The following PDGFC variants were observed in gnomAD, a reference collection of about 807,000 sequenced individuals.
The protein encoded by PDGFC is platelet derived growth factor C.
In PDGFC, 12 loss-of-function variants were observed where a neutral mutation model predicts 35.5. The observed-to-expected ratio is 0.34, with a 90% CI of 0.22 to 0.55. PDGFC has a LOEUF of 0.55. Among genes scored for constraint, PDGFC ranks in the 20% least tolerant of loss-of-function variants. The probability of loss-of-function intolerance (pLI) is 0.91; values close to 1 mark genes in which losing one functional copy is unlikely to be tolerated. For missense variants in PDGFC, 322 were observed against 412.4 expected (o/e 0.78, Z 1.90); for synonymous variants, 159 against 148.8 (o/e 1.07, Z -0.50).
intron 3 of PDGFC, among the ~76,000 whole-genome samples, chr4:156,782,695 G>A (rs528118728): frequency 6.6e-6 from 1 of 152,130 alleles, no homozygotes; most frequent in Admixed American, 6.5e-5. Context: ...CAGAATTCTG[G>A]GCAGGTCAAA....
In PDGFC at chr4:156,844,030, A is replaced by C. The variant is rs554904257; in HGVS notation, c.314+6191T>G. Among the ~76,000 whole-genome samples, 3 of 152,302 alleles carry C rather than the reference A, an allele frequency of 2.0e-5. No homozygotes were observed. The East Asian group carries it at 5.8e-4, about 29-fold the overall frequency. On this transcript the variant is annotated intron_variant, in intron 2 of 5. Coordinates refer to ENST00000502773, the MANE Select transcript of PDGFC (RefSeq NM_016205.3). Reference sequence around the variant, plus strand: ...TCCTGATTCTTGCCCAGTCCTAATCAAGTCCCCACACTGAAAAATTCATCT... The same window carrying C: ...TCCTGATTCTTGCCCAGTCCTAATCCAGTCCCCACACTGAAAAATTCATCT...
intron 1 of PDGFC, among the ~76,000 whole-genome samples, chr4:156,963,576 A>C (rs1388311730): frequency 6.6e-6 from 1 of 152,114 alleles, no homozygotes; most frequent in Non-Finnish European, 1.5e-5. Flanking sequence ...AAGAGAGCAA[A>C]TTTAGTGAAG....
chr4:156,777,087 G>A (rs571876926), intron 3 of PDGFC, among the ~76,000 whole-genome samples: 6 of 152,000 alleles, frequency 3.9e-5, no homozygotes, highest in Non-Finnish European at 7.4e-5. Context: ...AGATGAGTGA[G>A]TTTTGGGAAA....
chr4:156,812,269 TA>T (rs1439818336), intron 2 of PDGFC, among the ~76,000 whole-genome samples: 1 of 152,076 alleles, frequency 6.6e-6, no homozygotes, highest in Non-Finnish European at 1.5e-5. Flanking sequence ...TGAGTCGACT[TA>T]AAAGATGCTA....
intron 1 of PDGFC, among the ~76,000 whole-genome samples, chr4:156,859,390 T>G (rs575327575): frequency 1.2e-4 from 19 of 152,094 alleles, no homozygotes; most frequent in Non-Finnish European, 2.5e-4. Flanking sequence ...ACAAATCATG[T>G]CCTTCTATCT....
chr4:156,780,656 A>G (rs923531323), intron 3 of PDGFC, among the ~76,000 whole-genome samples: 13 of 152,202 alleles, frequency 8.5e-5, no homozygotes, highest in Non-Finnish European at 1.5e-4. Flanking sequence ...ATAAGGGTAC[A>G]GAGTTATTTA....
intron 1 of PDGFC, among the ~76,000 whole-genome samples, chr4:156,892,420 T>A (rs1216244468): frequency 1.3e-5 from 2 of 152,206 alleles, no homozygotes; most frequent in Non-Finnish European, 2.9e-5. Flanking sequence ...AGATTTATTA[T>A]TTATTTTTGT....
At chr4:156,798,379 G>A (rs978929053) in intron 3 of PDGFC, among the ~76,000 whole-genome samples, 1 of 152,180 alleles carries the variant, frequency 6.6e-6, no homozygotes, top group African/African-American at 2.4e-5. Context: ...ATTGCTCAGT[G>A]ACATGAAATT....
chr4:156,953,614 C>T (rs879670308), intron 1 of PDGFC, among the ~76,000 whole-genome samples: 7 of 151,728 alleles, frequency 4.6e-5, no homozygotes, highest in East Asian at 1.9e-4. Flanking sequence ...AAAATTTTAC[C>T]GGACGATAAA....
chr4:156,825,866 TTTTC>T lies in PDGFC; in HGVS notation c.315-14853_315-14850del, dbSNP rs1328370507. 6.0e-3 allele frequency among the ~76,000 whole-genome samples: 823 copies of T among 136,978 alleles called. 5 individuals are homozygous for T. The highest frequency in any genetic ancestry group is 0.029 in the African/African-American group (794 of 27,694). The allele number at this position is 136,978 out of a possible 152,430, so 89.9% of individuals were successfully genotyped here. Reference sequence around the variant, plus strand: ...GGAACATGTTAGTATGATTATGCAATTTTCTTTTTTTTTTTTTTCTTGAAGACAG... The same window carrying T: ...GGAACATGTTAGTATGATTATGCAATTTTTTTTTTTTTTTCTTGAAGACAG... On this transcript the variant is annotated intron_variant, in intron 2 of 5. Transcript: ENST00000502773.
At chr4:156,907,817 C>T (rs1401524911) in intron 1 of PDGFC, among the ~76,000 whole-genome samples, 2 of 152,262 alleles carry the variant, frequency 1.3e-5, no homozygotes, top group Non-Finnish European at 1.5e-5. Context: ...GATGCCCCCA[C>T]ACTCCAGGTC....
rs1017770901 is a variant in PDGFC, at chr4:156,971,097, C to T, written c.-194G>A. 3.6e-6 allele frequency: 2 copies of T among 553,026 alleles called. No individual in the cohort carries two copies. The highest frequency in any genetic ancestry group is 6.0e-5 in the Admixed American group (2 of 33,058). 34.3% of individuals were successfully genotyped at this position (553,026 alleles called of 1,614,324 possible). ...TTCCTAGAGCCCTCTTCTGTGTCTCCAGTTTTTGAAAAGGATCAAAGCAAA... is the reference window on the plus strand; with the variant it reads ...TTCCTAGAGCCCTCTTCTGTGTCTCTAGTTTTTGAAAAGGATCAAAGCAAA... On this transcript the variant is annotated 5_prime_UTR_variant, in exon 1 of 6. Coordinates refer to ENST00000502773, the MANE Select transcript of PDGFC (RefSeq NM_016205.3).
intron 1 of PDGFC, among the ~76,000 whole-genome samples, chr4:156,854,958 T>A (rs1048562158): frequency 1.8e-4 from 27 of 152,018 alleles, no homozygotes; most frequent in African/African-American, 6.5e-4. Flanking sequence ...TTTTAAAAAT[T>A]ATAGACAATT....
intron 1 of PDGFC, among the ~76,000 whole-genome samples, chr4:156,905,237 G>C (rs1331643082): frequency 6.6e-6 from 1 of 151,982 alleles, no homozygotes; most frequent in African/African-American, 2.4e-5. Context: ...GCAAATAAAA[G>C]TTTGGCAATC....
chr4:156,893,249 T>C (rs1041955088), intron 1 of PDGFC, among the ~76,000 whole-genome samples: 1 of 152,166 alleles, frequency 6.6e-6, no homozygotes, highest in Non-Finnish European at 1.5e-5. Context: ...TTACATTAAG[T>C]AGTAGCAATA....
At chr4:156,776,305 G>T (rs10517652) in intron 3 of PDGFC, among the ~76,000 whole-genome samples, 26,756 of 152,004 alleles carry the variant, frequency 0.18, 2,510 homozygotes, top group South Asian at 0.4. Context: ...TGCAAAATAC[G>T]CCTTGACTTG....
At chr4:156,814,175 C>G (rs1173251565) in intron 2 of PDGFC, among the ~76,000 whole-genome samples, 1 of 152,102 alleles carries the variant, frequency 6.6e-6, no homozygotes, top group Non-Finnish European at 1.5e-5. Flanking sequence ...TGCTCTTTGG[C>G]ATCTGAGTTG....
chr4:156,900,826 C>T (rs528953525), intron 1 of PDGFC, among the ~76,000 whole-genome samples: 3 of 150,606 alleles, frequency 2.0e-5, no homozygotes, highest in Non-Finnish European at 3.0e-5. Flanking sequence ...CAGAGAGAGA[C>T]CCTGTCTCAA....
rs549945485 is a variant in PDGFC at position 156,900,700 on chromosome 4, T to C, written c.119-50284A>G. Among the ~76,000 whole-genome samples, 15 of 152,100 alleles carry C rather than the reference T, an allele frequency of 9.9e-5. No homozygotes were observed. The South Asian group carries it at 3.1e-3, about 32-fold the overall frequency. On this transcript the variant is annotated intron_variant, in intron 1 of 5. Coordinates refer to ENST00000502773, the MANE Select transcript of PDGFC (RefSeq NM_016205.3). ...TACAAAAAATATTTTAAAAATTAGC[T>C]GGGCATGGTAGCACATGCCAGATAC...
Sources: gnomAD v4.1 joint callset for allele counts (sites outside exome capture counted in the v4.1 genomes callset) on GRCh38, gnomAD v4.1.1 for gene constraint, MANE v1.5 for transcripts, NCBI Gene and HGNC (gene_info 2026-07-23, HGNC 2026-07-21) for gene names.